Variants in FAM216B observed in about 807,000 individuals in gnomAD.
FAM216B encodes protein FAM216B.
FAM216B carries 11 observed loss-of-function variants against 12.9 expected under a neutral mutation model. The ratio of observed to expected loss-of-function variants is 0.86; its 90% confidence interval spans 0.54 to 1.42. The LOEUF is 1.42. FAM216B is among the 40% of genes most tolerant of loss of function. FAM216B has a pLI of 0.00. For missense variants in FAM216B, 167 were observed against 162.9 expected (o/e 1.02, Z -0.14); for synonymous variants, 52 against 57.2 (o/e 0.91, Z 0.41).
At chr13:42,782,834 T>A (rs1038701776) in intron 1 of FAM216B, among the ~76,000 whole-genome samples, 2 of 152,150 alleles carry the variant, frequency 1.3e-5, no homozygotes, top group African/African-American at 4.8e-5. Flanking sequence ...TACAATGCTA[T>A]AAAATTGCAC....
chr13:42,789,222 T>C lies in FAM216B; in HGVS notation c.*432T>C, dbSNP rs1874217118. 1 of 153,338 alleles carries C rather than the reference T, an allele frequency of 6.5e-6. No homozygotes were observed. Among genetic ancestry groups the C allele is most frequent in the Non-Finnish European group, 1.5e-5 (1 of 68,838 alleles). The allele number at this position is 153,338 out of a possible 1,614,324, so 9.5% of individuals were successfully genotyped here. A position where few individuals can be genotyped will look rare whatever the true frequency, so the allele number is the denominator to read the frequency against. ...TGATCATAGAGGGCTTACAAAATCA[T>C]ATCATCCCAGCAACAATTGGCCTGT... On this transcript the variant is annotated 3_prime_UTR_variant, in exon 4 of 4. Transcript: ENST00000313851.
intron 2 of FAM216B, 117 bp from the exon 3 acceptor site, chr13:42,786,646 A>C (rs1406380582): frequency 8.8e-6 from 12 of 1,360,884 alleles, no homozygotes; most frequent in Non-Finnish European, 1.2e-5. Flanking sequence ...TAAAAAAAAA[A>C]AACATATGGT....
chr13:42,788,972 CGA>C lies in FAM216B; in HGVS notation c.*186_*187del. The C allele has an allele frequency of 1.9e-6, 1 of 516,530 alleles. No individual in the cohort carries two copies. Among genetic ancestry groups the C allele is most frequent in the Non-Finnish European group, 3.3e-6 (1 of 299,566 alleles). The allele number at this position is 516,530 out of a possible 1,614,324, so 32.0% of individuals were successfully genotyped here. On this transcript the variant is annotated 3_prime_UTR_variant, in exon 4 of 4. Coordinates refer to ENST00000313851, the MANE Select transcript of FAM216B (RefSeq NM_001318932.2). Reference sequence around the variant, plus strand: ...CCAAGAGGTTTAAGAGCAATGGAGCCGAGAGTAAGCAAGCCTTTCCACATAAC... The same window carrying C: ...CCAAGAGGTTTAAGAGCAATGGAGCCGAGTAAGCAAGCCTTTCCACATAAC...
rs536288125 is a variant in FAM216B at position 42,791,110 on chromosome 13, C to T, written c.*2320C>T. ...CAAGTTGGTCTATTTTTTATTACCA[C>T]CATGAGCCAGCAATTCTAAATAATA... On this transcript the variant is annotated 3_prime_UTR_variant, in exon 4 of 4. Coordinates refer to ENST00000313851, the MANE Select transcript of FAM216B (RefSeq NM_001318932.2). The T allele has an allele frequency of 6.6e-6, 1 of 152,170 alleles. No homozygotes were observed. The highest frequency in any genetic ancestry group is 1.5e-5 in the Non-Finnish European group (1 of 68,024). The allele number at this position is 152,170 out of a possible 1,614,324, so 9.4% of individuals were successfully genotyped here.
intron 2 of FAM216B, among the ~76,000 whole-genome samples, chr13:42,785,066 G>A (rs1354578846): frequency 6.6e-6 from 1 of 151,980 alleles, no homozygotes; most frequent in African/African-American, 2.4e-5. Flanking sequence ...TTGTACTTTG[G>A]AGTCCTGCTC....
chr13:42,786,438 G>C (rs1874089191), intron 2 of FAM216B, among the ~76,000 whole-genome samples: 1 of 152,048 alleles, frequency 6.6e-6, no homozygotes, highest in South Asian at 2.1e-4. Context: ...GCTCTGTGTA[G>C]CTTATTACAA....
Position 42,788,813 on chromosome 13 carries a change from C to T in FAM216B, c.*23C>T. 1 of 1,593,378 alleles carries T rather than the reference C, an allele frequency of 6.3e-7. No homozygotes were observed. The highest frequency in any genetic ancestry group is 2.2e-5 in the East Asian group (1 of 44,616). Reference sequence around the variant, plus strand: ...TGAGACTTGGCAGCATTTTCAGAAACAGGAAGTTTGCCCATGTATCCCTGG... The same window carrying T: ...TGAGACTTGGCAGCATTTTCAGAAATAGGAAGTTTGCCCATGTATCCCTGG... On this transcript the variant is annotated 3_prime_UTR_variant, in exon 4 of 4. Coordinates refer to ENST00000313851, the MANE Select transcript of FAM216B (RefSeq NM_001318932.2).
Position 42,788,708 on chromosome 13 carries a change from C to T in FAM216B, c.338C>T (p.Thr113Ile), listed in dbSNP as rs143830580. The T allele has an allele frequency of 1.1e-3, 1,787 of 1,613,950 alleles. 6 individuals are homozygous for T. Among genetic ancestry groups the T allele is most frequent in the Non-Finnish European group, 1.3e-3 (1,564 of 1,179,872 alleles). ...ATTCCCCGGAAAACTTCAGCCATGA[C>T]AAGAAGATGTCCATCAGTACTACCT... ...RTIPRKTSAM[T>I]RRCPSVLPVS... The change falls in exon 4 of 4, where the codon ACA (threonine) becomes ATA (isoleucine). Residue 113 changes from threonine to isoleucine, a missense_variant. Physicochemically the swap from Thr to Ile is moderately conservative, Grantham distance 89. Transcript: ENST00000313851.
chr13:42,785,919 C>T (rs1387514925), intron 2 of FAM216B, among the ~76,000 whole-genome samples: 4 of 152,066 alleles, frequency 2.6e-5, no homozygotes, highest in Non-Finnish European at 5.9e-5. Flanking sequence ...CCAGGAGCAC[C>T]CCCTCCTCCT....
Position 42,788,877 on chromosome 13 carries a change from G to GTGAA in FAM216B, c.*89_*92dup, listed in dbSNP as rs2138037743. 7.9e-7 allele frequency: 1 copy of GTGAA among 1,267,912 alleles called. No individual in the cohort carries two copies. Among genetic ancestry groups the GTGAA allele is most frequent in the East Asian group, 2.4e-5 (1 of 41,240 alleles). The allele number at this position is 1,267,912 out of a possible 1,614,324, so 78.5% of individuals were successfully genotyped here. A position where few individuals can be genotyped will look rare whatever the true frequency, so the allele number is the denominator to read the frequency against. ...CTTTGTGCATATTTGTTGAATGACA[G>GTGAA]TGAATAATTTCTAATATAAACCCCA... On this transcript the variant is annotated 3_prime_UTR_variant, in exon 4 of 4. Transcript: ENST00000313851.
In FAM216B at chr13:42,786,989, C is replaced by T. The variant is rs918269818; in HGVS notation, c.220+106C>T. 22 of 1,501,730 alleles carry T rather than the reference C, an allele frequency of 1.5e-5. No individual in the cohort carries two copies. The Admixed American group carries it at 2.2e-4, about 15-fold the overall frequency. The allele number at this position is 1,501,730 out of a possible 1,614,324, so 93.0% of individuals were successfully genotyped here. A position where few individuals can be genotyped will look rare whatever the true frequency, so the allele number is the denominator to read the frequency against. On this transcript the variant is annotated intron_variant, in intron 3 of 3. Transcript: ENST00000313851. ...ATTCAAGCACAATGGCATCTACTGG[C>T]GTGCTATTTTATCAACATAGCTGGT...
At chr13:42,782,800 A>T (rs1873910613) in intron 1 of FAM216B, among the ~76,000 whole-genome samples, 1 of 152,252 alleles carries the variant, frequency 6.6e-6, no homozygotes, top group Non-Finnish European at 1.5e-5. Context: ...AAGTGGAAAC[A>T]TGACAAGTTT....
intron 2 of FAM216B, among the ~76,000 whole-genome samples, chr13:42,786,387 G>C (rs1874086937): frequency 6.6e-6 from 1 of 152,160 alleles, no homozygotes; most frequent in Non-Finnish European, 1.5e-5. Flanking sequence ...AGAACTTACA[G>C]TGGAAAATTT....
chr13:42,784,661 C>CAAAAAAAAAAAAAAAAAA (rs61276354), intron 2 of FAM216B, among the ~76,000 whole-genome samples: 1 of 94,752 alleles, frequency 1.1e-5, no homozygotes, highest in African/African-American at 4.1e-5. Context: ...ACTAAAAATA[C>CAAAAAAAAAAAAAAAAAA]AAAAAAAAAA....
rs745910414 is a variant in FAM216B, at chr13:42,788,689, C to T, written c.319C>T (p.Arg107Trp). ...AKVAPQRTIPRKTSAMTRRCP... is the reference protein window; with the variant it reads ...AKVAPQRTIPWKTSAMTRRCP... Reference sequence around the variant, plus strand: ...GGTAGCTCCTCAAAGAACCATTCCCCGGAAAACTTCAGCCATGACAAGAAG... The same window carrying T: ...GGTAGCTCCTCAAAGAACCATTCCCTGGAAAACTTCAGCCATGACAAGAAG... Residue 107 changes from arginine (R) to tryptophan (W), a missense_variant, in exon 4 of 4, where the codon CGG (arginine) becomes TGG (tryptophan). Coordinates refer to ENST00000313851, the MANE Select transcript of FAM216B (RefSeq NM_001318932.2). 62 of 1,613,758 alleles carry T rather than the reference C, an allele frequency of 3.8e-5. No individual in the cohort carries two copies. Among genetic ancestry groups the T allele is most frequent in the Admixed American group, 5.0e-5 (3 of 59,976 alleles).
At chr13:42,783,001 A>C (rs1344647538) in intron 1 of FAM216B, among the ~76,000 whole-genome samples, 1 of 152,098 alleles carries the variant, frequency 6.6e-6, no homozygotes, top group African/African-American at 2.4e-5. Flanking sequence ...CACAGAAAAA[A>C]AAAATAAATA....
At chr13:42,787,160 G>C (rs985271508) in intron 3 of FAM216B, among the ~76,000 whole-genome samples, 1 of 152,150 alleles carries the variant, frequency 6.6e-6, no homozygotes, top group African/African-American at 2.4e-5. Context: ...TAAATCAATG[G>C]GTCTGGGCTT....
chr13:42,791,369 T>C lies in FAM216B; in HGVS notation c.*2579T>C, dbSNP rs139360942. 1 of 152,318 alleles carries C rather than the reference T, an allele frequency of 6.6e-6. No individual in the cohort carries two copies. Among genetic ancestry groups the C allele is most frequent in the African/African-American group, 2.4e-5 (1 of 41,588 alleles). The allele number at this position is 152,318 out of a possible 1,614,324, so 9.4% of individuals were successfully genotyped here. A position where few individuals can be genotyped will look rare whatever the true frequency, so the allele number is the denominator to read the frequency against. ...TCAGCTCATGTGTCTCCAGCCCCTG[T>C]AGTACTATATATTATTGCATTTAAA... On this transcript the variant is annotated 3_prime_UTR_variant, in exon 4 of 4. Coordinates refer to ENST00000313851, the MANE Select transcript of FAM216B (RefSeq NM_001318932.2).
intron 2 of FAM216B, among the ~76,000 whole-genome samples, chr13:42,785,349 T>C (rs1874045127): frequency 6.6e-6 from 1 of 152,188 alleles, no homozygotes; most frequent in South Asian, 2.1e-4. Flanking sequence ...ACAAAATGTC[T>C]AACAGGTAAA....
Sources: gnomAD v4.1 joint callset for allele counts (sites outside exome capture counted in the v4.1 genomes callset) on GRCh38, gnomAD v4.1.1 for gene constraint, MANE v1.5 for transcripts, NCBI Gene and HGNC (gene_info 2026-07-23, HGNC 2026-07-21) for gene names.